UMAD1: variants seen among roughly 807,000 people sequenced by gnomAD.
UMAD1 encodes UBAP1-MVB12-associated (UMA)-domain containing protein 1.
A neutral mutation model predicts 6.1 loss-of-function variants in UMAD1; 8 were observed. That is an observed-to-expected ratio of 1.30 (90% CI 0.76 to 2.35). The LOEUF is 2.35. UMAD1 is among the 30% of genes most tolerant of loss of function. UMAD1 has a pLI of 0.00. For missense variants in UMAD1, 130 were observed against 78.4 expected (o/e 1.66, Z -2.49); for synonymous variants, 56 against 31.4 (o/e 1.78, Z -2.61).
At chr7:7,717,060 C>CT (rs766644906) in intron 2 of UMAD1, among the ~76,000 whole-genome samples, 1,435 of 141,562 alleles carry the variant, frequency 0.01, 13 homozygotes, top group Middle Eastern at 0.049. Flanking sequence ...TTCTTTTTTT[C>CT]TTTTTTTTTT....
chr7:7,722,194 T>G (rs61494250), intron 2 of UMAD1, among the ~76,000 whole-genome samples: 297 of 149,188 alleles, frequency 2.0e-3, no homozygotes, highest in African/African-American at 6.9e-3. Context: ...TATCTATATA[T>G]CTATATAGAT....
At chr7:7,771,899 C>T (rs556884028) in intron 2 of UMAD1, among the ~76,000 whole-genome samples, 1 of 152,152 alleles carries the variant, frequency 6.6e-6, no homozygotes, top group African/African-American at 2.4e-5. Context: ...TTCTTAACAA[C>T]TATTTTTGTA....
intron 3 of UMAD1, among the ~76,000 whole-genome samples, chr7:7,843,454 G>A (rs770450747): frequency 1.3e-5 from 2 of 152,188 alleles, no homozygotes; most frequent in Non-Finnish European, 2.9e-5. Flanking sequence ...AGAGAGCTTT[G>A]TGTACCTCCC....
At chr7:7,725,831 C>T (rs1445681545) in intron 2 of UMAD1, among the ~76,000 whole-genome samples, 5 of 152,182 alleles carry the variant, frequency 3.3e-5, no homozygotes, top group Non-Finnish European at 1.5e-5. Context: ...TCCCTATGAT[C>T]AGTTGACGTA....
chr7:7,672,230 C>G (rs1779624230), intron 1 of UMAD1, among the ~76,000 whole-genome samples: 1 of 152,178 alleles, frequency 6.6e-6, no homozygotes, highest in Non-Finnish European at 1.5e-5. Context: ...TTGTAAGGAA[C>G]TGTCCTCAGA....
At chr7:7,748,511 T>C (rs1541549) in intron 2 of UMAD1, among the ~76,000 whole-genome samples, 53,074 of 151,844 alleles carry the variant, frequency 0.35, 11,113 homozygotes, top group African/African-American at 0.58. Context: ...TTGTTAGAGC[T>C]GCTGTAATTT....
At chr7:7,848,026 T>C (rs1783843849) in intron 3 of UMAD1, among the ~76,000 whole-genome samples, 1 of 152,210 alleles carries the variant, frequency 6.6e-6, no homozygotes, top group Non-Finnish European at 1.5e-5. Flanking sequence ...TTTAAACTTA[T>C]TAAATAAAGA....
intron 1 of UMAD1, among the ~76,000 whole-genome samples, chr7:7,651,304 T>A (rs10261338): frequency 0.058 from 8,774 of 152,228 alleles, 828 homozygotes; most frequent in African/African-American, 0.2. Context: ...GCAGGACTTG[T>A]GACAAGGGTG....
At chr7:7,771,340 G>A (rs1015542439) in intron 2 of UMAD1, among the ~76,000 whole-genome samples, 1 of 152,164 alleles carries the variant, frequency 6.6e-6, no homozygotes, top group Non-Finnish European at 1.5e-5. Flanking sequence ...TTGTAAATGA[G>A]ACAGTTTGGA....
intron 1 of UMAD1, among the ~76,000 whole-genome samples, chr7:7,658,353 T>C (rs1281881237): frequency 6.6e-6 from 1 of 152,270 alleles, no homozygotes. Context: ...CTGTGTTGAA[T>C]AGGAGTGGTG....
chr7:7,795,960 A>G (rs1782668502), intron 2 of UMAD1, among the ~76,000 whole-genome samples: 1 of 152,122 alleles, frequency 6.6e-6, no homozygotes. Context: ...GTGGCCCAGC[A>G]GGTCTAAGCC....
At chr7:7,698,271 A>C (rs1780364436) in intron 2 of UMAD1, among the ~76,000 whole-genome samples, 1 of 152,216 alleles carries the variant, frequency 6.6e-6, no homozygotes, top group Admixed American at 6.5e-5. Context: ...GAAGATTGCA[A>C]AATATAACAG....
rs147665822 is a variant in UMAD1, at chr7:7,874,086, A to G, written c.157-3195A>G. ...CTCTCTGGTACTCTTTCCCATCCCT[A>G]TAATTGGTGATTCCATGTGTCTCAT... On this transcript the variant is annotated intron_variant, in intron 3 of 3. Coordinates refer to ENST00000682710, the MANE Select transcript of UMAD1 (RefSeq NM_001302348.2). Among the ~76,000 whole-genome samples, 10 of 152,186 alleles carry G rather than the reference A, an allele frequency of 6.6e-5. No individual in the cohort carries two copies. The East Asian group carries it at 1.4e-3, about 21-fold the overall frequency.
intron 2 of UMAD1, among the ~76,000 whole-genome samples, chr7:7,696,373 T>C (rs1780317905): frequency 6.6e-6 from 1 of 151,704 alleles, no homozygotes; most frequent in Non-Finnish European, 1.5e-5. Flanking sequence ...TTGTAAAAAC[T>C]GTGAAATCAT....
intron 3 of UMAD1, among the ~76,000 whole-genome samples, chr7:7,813,966 C>T (rs538785471): frequency 1.3e-5 from 2 of 151,884 alleles, no homozygotes; most frequent in African/African-American, 4.8e-5. Context: ...CTTAGGTATT[C>T]TAATTTCATA....
intron 2 of UMAD1, among the ~76,000 whole-genome samples, chr7:7,724,014 G>A (rs6957738): frequency 0.15 from 22,208 of 152,062 alleles, 1,833 homozygotes; most frequent in African/African-American, 0.23. Flanking sequence ...CCAGAATTGA[G>A]CCAGTTTACA....
At chr7:7,755,271 C>A (rs982691038) in intron 2 of UMAD1, among the ~76,000 whole-genome samples, 1 of 152,092 alleles carries the variant, frequency 6.6e-6, no homozygotes, top group African/African-American at 2.4e-5. Flanking sequence ...ATTTTACCAC[C>A]ACCAGTTCCT....
rs997442346 is a variant in UMAD1 at position 7,878,814 on chromosome 7, A to T, written c.*1276A>T. 3 of 152,202 alleles carry T rather than the reference A, an allele frequency of 2.0e-5. No individual in the cohort carries two copies. Among genetic ancestry groups the T allele is most frequent in the Admixed American group, 2.0e-4 (3 of 15,280 alleles). 9.4% of individuals were successfully genotyped at this position (152,202 alleles called of 1,614,324 possible). On this transcript the variant is annotated 3_prime_UTR_variant, in exon 4 of 4. Coordinates refer to ENST00000682710, the MANE Select transcript of UMAD1 (RefSeq NM_001302348.2). ...ATGGTTTTAATACAAATGCTATGTT[A>T]TTTAAAAGTTAGAGGAACATTTCTA...
chr7:7,801,630 T>A (rs1782800784), intron 2 of UMAD1, 40 bp from the exon 3 acceptor site: 1 of 709,770 alleles, frequency 1.4e-6, no homozygotes, highest in African/African-American at 1.8e-5. Context: ...CTCAGTAATA[T>A]GGTCAAGTTT....
Sources: allele counts gnomAD v4.1 joint callset (sites outside exome capture counted in the v4.1 genomes callset), GRCh38; gene constraint gnomAD v4.1.1; transcripts MANE v1.5; gene names NCBI Gene and HGNC (gene_info 2026-07-23, HGNC 2026-07-21).